SLMAP: variants seen among roughly 807,000 people sequenced by gnomAD.
SLMAP encodes sarcolemma associated protein, also known as sarcolemmal membrane-associated protein.
SLMAP carries 44 observed loss-of-function variants against 128.8 expected under a neutral mutation model. That is an observed-to-expected ratio of 0.34 (90% confidence interval 0.27 to 0.44). SLMAP has a LOEUF of 0.44. SLMAP is among the 20% of genes least tolerant of loss of function. The pLI, the probability that SLMAP is intolerant of heterozygous loss-of-function variation, is 1.00. For synonymous variants in SLMAP, 327 were observed against 348.8 expected (o/e 0.94, Z 0.70); for missense variants, 787 against 985.3 (o/e 0.80, Z 2.69).
At chr3:57,811,390 T>G (rs1244921636) in intron 2 of SLMAP, among the ~76,000 whole-genome samples, 1 of 152,240 alleles carries the variant, frequency 6.6e-6, no homozygotes, top group Non-Finnish European at 1.5e-5. Context: ...GTCCTCAAGG[T>G]TAATCCATGT....
At chr3:57,906,048 C>CT (rs2096529722) in intron 17 of SLMAP, among the ~76,000 whole-genome samples, 1 of 122,988 alleles carries the variant, frequency 8.1e-6, no homozygotes, top group Non-Finnish European at 1.7e-5. Context: ...CTAAATACTC[C>CT]TTAAAAAAAA....
chr3:57,825,150 A>G (rs1577100509), intron 2 of SLMAP, among the ~76,000 whole-genome samples: 3 of 151,464 alleles, frequency 2.0e-5, no homozygotes, highest in South Asian at 2.1e-4. Flanking sequence ...TGTGAATTCT[A>G]TGGGGTTTTC....
intron 11 of SLMAP, 43 bp downstream of exon 11, chr3:57,864,759 C>A: frequency 1.3e-6 from 2 of 1,558,360 alleles, no homozygotes; most frequent in Non-Finnish European, 8.7e-7. Context: ...TATTTTTTTT[C>A]TTGTTATCTG....
chr3:57,761,183 CT>C (rs1269319627), intron 2 of SLMAP, among the ~76,000 whole-genome samples: 1 of 152,136 alleles, frequency 6.6e-6, no homozygotes, highest in Non-Finnish European at 1.5e-5. Flanking sequence ...GAAGAGGGAA[CT>C]ATTTAGACAA....
chr3:57,758,776 G>T (rs2078066995), intron 2 of SLMAP, among the ~76,000 whole-genome samples: 1 of 152,092 alleles, frequency 6.6e-6, no homozygotes, highest in Non-Finnish European at 1.5e-5. Flanking sequence ...TTTAAAAACT[G>T]TTTATTTATG....
chr3:57,909,773 C>T (rs924005637), intron 19 of SLMAP, among the ~76,000 whole-genome samples: 1 of 151,934 alleles, frequency 6.6e-6, no homozygotes, highest in African/African-American at 2.4e-5. Flanking sequence ...CCACCACACC[C>T]AGCTAATTTT....
intron 2 of SLMAP, chr3:57,800,973 A>G: frequency 3.5e-6 from 1 of 285,498 alleles, no homozygotes; most frequent in South Asian, 4.3e-5. Flanking sequence ...ATATGCATTG[A>G]TCCTACTTTT....
intron 17 of SLMAP, among the ~76,000 whole-genome samples, chr3:57,903,086 G>A (rs1401189770): frequency 6.6e-6 from 1 of 152,194 alleles, no homozygotes; most frequent in African/African-American, 2.4e-5. Context: ...TTGCACAGGG[G>A]TGAACAGTGG....
chr3:57,879,315 C>T (rs1280022374), intron 14 of SLMAP, among the ~76,000 whole-genome samples: 1 of 152,198 alleles, frequency 6.6e-6, no homozygotes, highest in African/African-American at 2.4e-5. Flanking sequence ...AGTCTTCTGA[C>T]TAAATGCTTA....
chr3:57,907,427 A>G (rs2096596950), intron 17 of SLMAP, among the ~76,000 whole-genome samples: 1 of 152,190 alleles, frequency 6.6e-6, no homozygotes, highest in African/African-American at 2.4e-5. Context: ...CAACTAGGGT[A>G]ATTGTGCTAA....
In SLMAP at chr3:57,757,118, G is replaced by A. The variant is rs575291605; in HGVS notation, c.-534G>A. On this transcript the variant is annotated 5_prime_UTR_variant, in exon 2 of 25. Coordinates refer to ENST00000671191, the MANE Select transcript of SLMAP (RefSeq NM_001377540.1). The stretch of plus-strand genomic sequence containing the variant: ...CCGTCACCTCTCGCCCCTTCACTCC[G>A]GGCGAGGACTGGCGGTGGCTGCCCA... 6.1e-4 allele frequency: 105 copies of A among 172,762 alleles called. No homozygotes were observed. The highest frequency in any genetic ancestry group is 3.0e-3 in the Middle Eastern group (1 of 332). The allele number at this position is 172,762 out of a possible 1,614,324, so 10.7% of individuals were successfully genotyped here.
At position 57,773,540 on chromosome 3, in the gene SLMAP, A is replaced by G. The variant is rs548812215; in HGVS notation, c.198+15691A>G. On this transcript the variant is annotated intron_variant, in intron 2 of 24. Transcript: ENST00000671191. ...ATGGGACCATAGGGCAAAAACCTTT[A>G]GGAAATCAAGGCATAAACTTTGGGG... is the stretch of plus-strand genomic sequence containing the variant. 4.6e-5 allele frequency among the ~76,000 whole-genome samples: 7 copies of G among 152,356 alleles called. No individual in the cohort carries two copies. The East Asian group carries it at 1.3e-3, about 29-fold the overall frequency.
At chr3:57,870,237 C>T (rs1349832331) in intron 13 of SLMAP, among the ~76,000 whole-genome samples, 1 of 151,980 alleles carries the variant, frequency 6.6e-6, no homozygotes, top group Non-Finnish European at 1.5e-5. Flanking sequence ...TAAAGTGTTA[C>T]CATAGCTAAA....
At chr3:57,829,134 A>G (rs1028954974) in intron 2 of SLMAP, among the ~76,000 whole-genome samples, 1 of 152,182 alleles carries the variant, frequency 6.6e-6, no homozygotes, top group Non-Finnish European at 1.5e-5. Context: ...TTAGAGTTAT[A>G]TAGAAGCTAC....
chr3:57,867,831 T>C (rs920491440), intron 13 of SLMAP, among the ~76,000 whole-genome samples: 4 of 152,222 alleles, frequency 2.6e-5, no homozygotes, highest in Non-Finnish European at 4.4e-5. Context: ...ACTAATACTT[T>C]CAGTGAATCC....
chr3:57,924,286 C>G (rs2096964153), intron 23 of SLMAP, among the ~76,000 whole-genome samples: 1 of 152,014 alleles, frequency 6.6e-6, no homozygotes, highest in African/African-American at 2.4e-5. Flanking sequence ...CTCATTGTAG[C>G]AGTTTTCTTT....
intron 15 of SLMAP, among the ~76,000 whole-genome samples, chr3:57,895,570 A>G (rs939604325): frequency 1.3e-5 from 2 of 151,888 alleles, no homozygotes; most frequent in African/African-American, 4.8e-5. Flanking sequence ...TCCTGACCTC[A>G]TGATCCATCC....
intron 15 of SLMAP, among the ~76,000 whole-genome samples, chr3:57,891,972 T>C (rs1253129415): frequency 6.6e-6 from 1 of 152,180 alleles, no homozygotes; most frequent in Non-Finnish European, 1.5e-5. Context: ...TTAGGGTCCA[T>C]TAATAAGGGT....
chr3:57,863,603 A>C (rs1343475095), intron 10 of SLMAP, among the ~76,000 whole-genome samples: 1 of 152,190 alleles, frequency 6.6e-6, no homozygotes, highest in Non-Finnish European at 1.5e-5. Flanking sequence ...CCATGGTGAG[A>C]GAGGGTCTGG....
Sources: allele counts gnomAD v4.1 joint callset (sites outside exome capture counted in the v4.1 genomes callset), GRCh38; gene constraint gnomAD v4.1.1; transcripts MANE v1.5; gene names NCBI Gene and HGNC (gene_info 2026-07-23, HGNC 2026-07-21).